The following NRXN3 variants were observed in gnomAD, a reference collection of about 807,000 sequenced individuals.
NRXN3 encodes the protein neurexin III.
In NRXN3, 32 loss-of-function variants were observed where a neutral mutation model predicts 137.6. That is an observed-to-expected ratio of 0.23 (90% CI 0.18 to 0.31). The LOEUF is 0.31. NRXN3 is among the 10% of genes least tolerant of loss of function. NRXN3 has a pLI of 1.00. For missense variants in NRXN3, 1,574 were observed against 2,062.5 expected (o/e 0.76, Z 4.59); for synonymous variants, 798 against 784.5 (o/e 1.02, Z -0.29).
chr14:79,207,016 G>C (rs968772647), intron 15 of NRXN3, among the ~76,000 whole-genome samples: 7 of 152,100 alleles, frequency 4.6e-5, no homozygotes, highest in Admixed American at 4.6e-4. Context: ...CCCACATCCA[G>C]GGGCGATGTC....
chr14:79,124,766 G>A (rs1324648630), intron 15 of NRXN3, among the ~76,000 whole-genome samples: 1 of 152,158 alleles, frequency 6.6e-6, no homozygotes, highest in Non-Finnish European at 1.5e-5. Flanking sequence ...CTAGAGGTAG[G>A]CTAAGACTGC....
At chr14:79,653,935 C>T (rs1193760303) in intron 16 of NRXN3, among the ~76,000 whole-genome samples, 1 of 152,138 alleles carries the variant, frequency 6.6e-6, no homozygotes, top group Non-Finnish European at 1.5e-5. Flanking sequence ...CGTACTGCAC[C>T]TAAGGGACCT....
intron 4 of NRXN3, among the ~76,000 whole-genome samples, chr14:78,377,439 T>A (rs1289961010): frequency 1.3e-5 from 2 of 152,258 alleles, no homozygotes; most frequent in East Asian, 1.9e-4. Flanking sequence ...ATAGACAAAT[T>A]CGCAGTTATG....
Position 78,645,086 on chromosome 14 carries a change from G to A in NRXN3, c.758-34G>A. The A allele has an allele frequency of 2.0e-6, 3 of 1,505,736 alleles. No homozygotes were observed. The South Asian group carries it at 3.8e-5, about 19-fold the overall frequency. 93.3% of individuals were successfully genotyped at this position (1,505,736 alleles called of 1,614,324 possible). On this transcript the variant is annotated intron_variant, in intron 4 of 20. Transcript: ENST00000335750. The stretch of plus-strand genomic sequence containing the variant: ...CATAGGTCTGACTCTTGCCAGACAA[G>A]TGCTGATTGCTTTCCTCTTTTCTTT...
chr14:78,244,986 C>G (rs1402556336), intron 2 of NRXN3, among the ~76,000 whole-genome samples: 1 of 152,202 alleles, frequency 6.6e-6, no homozygotes, highest in Admixed American at 6.5e-5. Context: ...TTGACAAATA[C>G]TTAAAATCCA....
chr14:79,291,808 G>A (rs1281510650), intron 15 of NRXN3, among the ~76,000 whole-genome samples: 5 of 151,604 alleles, frequency 3.3e-5, no homozygotes, highest in African/African-American at 4.9e-5. Context: ...AAATTTCAAA[G>A]TGGTATTCTT....
At chr14:79,438,920 A>G (rs746926109) in intron 15 of NRXN3, among the ~76,000 whole-genome samples, 12 of 152,254 alleles carry the variant, frequency 7.9e-5, no homozygotes, top group Non-Finnish European at 1.3e-4. Flanking sequence ...ATGATTTGAT[A>G]TCTGTTGTAG....
chr14:78,416,600 T>G (rs1487952431), intron 4 of NRXN3, among the ~76,000 whole-genome samples: 1 of 152,250 alleles, frequency 6.6e-6, no homozygotes, highest in African/African-American at 2.4e-5. Flanking sequence ...AAATCACTTT[T>G]AGTACATATT....
At chr14:78,538,006 A>G (rs1264963902) in intron 4 of NRXN3, among the ~76,000 whole-genome samples, 1 of 152,172 alleles carries the variant, frequency 6.6e-6, no homozygotes, top group Non-Finnish European at 1.5e-5. Flanking sequence ...TGTTTTGGTT[A>G]CTATAGCCTT....
chr14:79,432,235 A>G (rs1035194717), intron 15 of NRXN3, among the ~76,000 whole-genome samples: 2 of 152,088 alleles, frequency 1.3e-5, no homozygotes, highest in Non-Finnish European at 2.9e-5. Context: ...TTATATTTCC[A>G]TACTTTTGCT....
intron 15 of NRXN3, among the ~76,000 whole-genome samples, chr14:79,118,842 T>G (rs1002399600): frequency 6.6e-6 from 1 of 152,222 alleles, no homozygotes; most frequent in African/African-American, 2.4e-5. Flanking sequence ...GACATTTTGT[T>G]TGTTTTATTT....
At chr14:78,933,234 G>A (rs1166784368) in intron 10 of NRXN3, among the ~76,000 whole-genome samples, 1 of 152,176 alleles carries the variant, frequency 6.6e-6, no homozygotes, top group Non-Finnish European at 1.5e-5. Context: ...CATAGTTGGA[G>A]GTCAGTACAT....
chr14:79,212,928 A>G (rs1171329187), intron 15 of NRXN3, among the ~76,000 whole-genome samples: 1 of 151,916 alleles, frequency 6.6e-6, no homozygotes, highest in African/African-American at 2.4e-5. Flanking sequence ...TTTGGAGAGT[A>G]TTGGGATAGA....
chr14:79,289,133 C>G (rs991479067), intron 15 of NRXN3, among the ~76,000 whole-genome samples: 1 of 152,196 alleles, frequency 6.6e-6, no homozygotes, highest in Non-Finnish European at 1.5e-5. Flanking sequence ...AGTGTCAGGA[C>G]TGGTCAGGAG....
chr14:78,606,076 A>G (rs767612736), intron 4 of NRXN3, among the ~76,000 whole-genome samples: 11 of 152,146 alleles, frequency 7.2e-5, no homozygotes, highest in Non-Finnish European at 1.5e-4. Flanking sequence ...AAAAAAGATC[A>G]AGCAGGACAA....
At chr14:78,448,407 A>G (rs893338911) in intron 4 of NRXN3, among the ~76,000 whole-genome samples, 3 of 152,334 alleles carry the variant, frequency 2.0e-5, no homozygotes, top group Middle Eastern at 3.4e-3. Context: ...GTACTTGCAT[A>G]TGCATTAAGA....
intron 4 of NRXN3, among the ~76,000 whole-genome samples, chr14:78,618,580 C>T (rs1466332304): frequency 1.3e-5 from 2 of 152,206 alleles, no homozygotes; most frequent in East Asian, 3.9e-4. Flanking sequence ...TCTGGAAGTG[C>T]ACACGCTGAG....
At chr14:79,115,009 G>A (rs1307816155) in intron 15 of NRXN3, among the ~76,000 whole-genome samples, 1 of 151,886 alleles carries the variant, frequency 6.6e-6, no homozygotes, top group Non-Finnish European at 1.5e-5. Flanking sequence ...AGCTTAATGA[G>A]CCACCGGCAT....
intron 4 of NRXN3, among the ~76,000 whole-genome samples, chr14:78,559,321 T>C (rs1344851454): frequency 6.6e-6 from 1 of 152,208 alleles, no homozygotes; most frequent in Non-Finnish European, 1.5e-5. Context: ...TTCAACACTG[T>C]TTATAAGATC....
Sources: gnomAD v4.1 joint callset for allele counts (sites outside exome capture counted in the v4.1 genomes callset) on GRCh38, gnomAD v4.1.1 for gene constraint, MANE v1.5 for transcripts, NCBI Gene and HGNC (gene_info 2026-07-23, HGNC 2026-07-21) for gene names.